Variants in SIPA1L3 observed in about 807,000 individuals in gnomAD.
SIPA1L3 encodes signal induced proliferation associated 1 like 3.
Under a neutral mutation model 150.1 loss-of-function variants are expected in SIPA1L3, and 59 were observed. The ratio of observed to expected loss-of-function variants is 0.39; its 90% CI spans 0.32 to 0.49. The LOEUF is 0.49. Ranked by LOEUF, SIPA1L3 falls within the 20% of genes least tolerant of loss-of-function variation. SIPA1L3 has a pLI of 0.86. For synonymous variants in SIPA1L3, 1,070 were observed against 1,077.6 expected, an observed-to-expected ratio of 0.99 and a Z score of 0.14; for missense variants, 2,211 against 2,489.5, an observed-to-expected ratio of 0.89 and a Z score of 2.38.
intron 3 of SIPA1L3, chr19:38,087,842 C>T (rs1970167463): frequency 1.3e-5 from 2 of 152,212 alleles, no homozygotes; most frequent in Non-Finnish European, 2.9e-5. Context: ...CATGGTGAAA[C>T]CCCGTCTCTG....
chr19:38,174,738 G>T (rs28444246), intron 15 of SIPA1L3, among the ~76,000 whole-genome samples: 41,901 of 151,572 alleles, frequency 0.28, 9,300 homozygotes, highest in African/African-American at 0.62. Context: ...TAGTCCCAGA[G>T]ACTCGAGAGG....
chr19:38,105,159 C>A (rs997135256), intron 6 of SIPA1L3, among the ~76,000 whole-genome samples: 2 of 151,940 alleles, frequency 1.3e-5, no homozygotes, highest in Non-Finnish European at 1.5e-5. Context: ...GGGGTTCAAC[C>A]AGCCTGGGCA....
At chr19:37,958,329 G>C (rs1298788250) in intron 1 of SIPA1L3, among the ~76,000 whole-genome samples, 4 of 152,138 alleles carry the variant, frequency 2.6e-5, no homozygotes, top group Non-Finnish European at 5.9e-5. Context: ...GGAGGCTGAG[G>C]TGGGAGGATC....
intron 1 of SIPA1L3, among the ~76,000 whole-genome samples, chr19:37,989,054 C>G (rs1182370039): frequency 6.6e-6 from 1 of 152,182 alleles, no homozygotes; most frequent in Non-Finnish European, 1.5e-5. Flanking sequence ...GGGGCCTTGT[C>G]TGCTTTCCTG....
intron 1 of SIPA1L3, among the ~76,000 whole-genome samples, chr19:37,909,439 C>T (rs1439242516): frequency 2.0e-5 from 3 of 152,040 alleles, no homozygotes; most frequent in Non-Finnish European, 4.4e-5. Flanking sequence ...GAACTCCTGA[C>T]CTCAGGTGAT....
intron 10 of SIPA1L3, among the ~76,000 whole-genome samples, chr19:38,132,110 T>C (rs1292568775): frequency 6.7e-6 from 1 of 149,858 alleles, no homozygotes; most frequent in Non-Finnish European, 1.5e-5. Context: ...AAAAAAACAG[T>C]GCAGTTGTAG....
chr19:37,932,858 G>C (rs1388611317), intron 1 of SIPA1L3, among the ~76,000 whole-genome samples: 1 of 152,042 alleles, frequency 6.6e-6, no homozygotes, highest in African/African-American at 2.4e-5. Context: ...AGAGTGGGCC[G>C]GGTGTTGACG....
chr19:38,059,554 T>C lies in SIPA1L3; in HGVS notation c.-310-21702T>C, dbSNP rs919246790. ...TTTGTATACATTTTAAAGTTGCTTATGTCATACAAGAGTAAAATCTCACTG... is the reference window on the plus strand; with the variant it reads ...TTTGTATACATTTTAAAGTTGCTTACGTCATACAAGAGTAAAATCTCACTG... On this transcript the variant is annotated intron_variant, in intron 2 of 21. Coordinates refer to ENST00000222345, the MANE Select transcript of SIPA1L3 (RefSeq NM_015073.3). Among the ~76,000 whole-genome samples, 52 of 152,232 alleles carry C rather than the reference T, an allele frequency of 3.4e-4. 1 individual carries two copies. Among genetic ancestry groups the C allele is most frequent in the Non-Finnish European group, 1.2e-4 (8 of 68,050 alleles).
intron 1 of SIPA1L3, among the ~76,000 whole-genome samples, chr19:37,949,919 A>T (rs1374121307): frequency 6.6e-6 from 1 of 151,900 alleles, no homozygotes; most frequent in African/African-American, 2.4e-5. Flanking sequence ...TCTACTAAAA[A>T]TACAAAAATT....
At chr19:37,951,109 C>A (rs1372723850) in intron 1 of SIPA1L3, among the ~76,000 whole-genome samples, 3 of 152,232 alleles carry the variant, frequency 2.0e-5, no homozygotes, top group Non-Finnish European at 4.4e-5. Context: ...ACCCCAGGCA[C>A]TGGGGATATG....
chr19:38,036,443 A>T (rs1190216368), intron 2 of SIPA1L3, among the ~76,000 whole-genome samples: 4 of 152,190 alleles, frequency 2.6e-5, no homozygotes, highest in Admixed American at 2.6e-4. Context: ...AGGGCTGCCC[A>T]GGCAGGCCCT....
At chr19:37,963,705 T>C (rs1207330238) in intron 1 of SIPA1L3, 1 of 152,254 alleles carries the variant, frequency 6.6e-6, no homozygotes, top group Non-Finnish European at 1.5e-5. Context: ...CTCAAATGGT[T>C]GTGTTTGGCA....
intron 1 of SIPA1L3, among the ~76,000 whole-genome samples, chr19:38,009,747 A>T (rs1968053744): frequency 6.6e-6 from 1 of 151,158 alleles, no homozygotes. Context: ...GCTGACCACC[A>T]AGATGGCGCT....
At chr19:38,194,408 A>G (rs575792987) in intron 18 of SIPA1L3, among the ~76,000 whole-genome samples, 7 of 148,834 alleles carry the variant, frequency 4.7e-5, no homozygotes, top group South Asian at 2.2e-4. Context: ...AGTTTGCACC[A>G]TGCTCACTGG....
At chr19:37,975,313 G>A (rs1967048243) in intron 1 of SIPA1L3, among the ~76,000 whole-genome samples, 1 of 152,164 alleles carries the variant, frequency 6.6e-6, no homozygotes, top group South Asian at 2.1e-4. Context: ...AGGGCTTCCC[G>A]AGGAGGCACC....
chr19:37,971,859 G>A (rs892337063), intron 1 of SIPA1L3, among the ~76,000 whole-genome samples: 3 of 151,930 alleles, frequency 2.0e-5, no homozygotes, highest in South Asian at 4.2e-4. Context: ...GAGCCATCAC[G>A]CCCGGCCTGA....
chr19:38,024,540 T>A (rs766929992), intron 1 of SIPA1L3, among the ~76,000 whole-genome samples: 2 of 152,026 alleles, frequency 1.3e-5, no homozygotes, highest in African/African-American at 2.4e-5. Flanking sequence ...AGCCCGGCAC[T>A]GCCCCCCAGC....
At chr19:38,009,617 T>C (rs1968051067) in intron 1 of SIPA1L3, among the ~76,000 whole-genome samples, 1 of 151,406 alleles carries the variant, frequency 6.6e-6, no homozygotes, top group Non-Finnish European at 1.5e-5. Flanking sequence ...CTATTGAGAG[T>C]GGATATTACT....
intron 1 of SIPA1L3, among the ~76,000 whole-genome samples, chr19:37,937,286 G>A (rs559759647): frequency 2.6e-4 from 39 of 152,258 alleles, no homozygotes; most frequent in East Asian, 1.2e-3. Context: ...ATGAACAGCC[G>A]TTAGCCCACT....
Sources: allele counts gnomAD v4.1 joint callset (sites outside exome capture counted in the v4.1 genomes callset), GRCh38; gene constraint gnomAD v4.1.1; transcripts MANE v1.5; gene names NCBI Gene and HGNC (gene_info 2026-07-23, HGNC 2026-07-21).